Variants in FAM76A observed in about 807,000 individuals in gnomAD.
FAM76A encodes the protein family with sequence similarity 76 member A.
FAM76A carries 32 observed loss-of-function variants against 46.2 expected under a neutral mutation model. The observed-to-expected ratio is 0.69, with a 90% CI of 0.52 to 0.93. FAM76A has a LOEUF of 0.93. Among genes scored for constraint, FAM76A ranks in the 40% least tolerant of loss-of-function variants. The pLI is 0.00. For missense variants in FAM76A, 274 were observed against 361.5 expected, an observed-to-expected ratio of 0.76 and a Z score of 1.96; for synonymous variants, 137 against 127.0, an observed-to-expected ratio of 1.08 and a Z score of -0.53.
chr1:27,755,482 G>T, intron 7 of FAM76A, 152 bp downstream of exon 7: 2 of 1,023,486 alleles, frequency 2.0e-6, no homozygotes, highest in Non-Finnish European at 2.9e-6. Context: ...CTGCCAAGAT[G>T]ACTTTTGGGA....
At chr1:27,743,770 A>G (rs1003443253) in intron 4 of FAM76A, among the ~76,000 whole-genome samples, 5 of 151,858 alleles carry the variant, frequency 3.3e-5, no homozygotes, top group Non-Finnish European at 1.5e-5. Flanking sequence ...GTTTGGGGAA[A>G]AAAAAAAAAA....
intron 8 of FAM76A, 164 bp from the exon 9 acceptor site, chr1:27,760,331 A>T: frequency 1.9e-6 from 1 of 529,046 alleles, no homozygotes; most frequent in Non-Finnish European, 3.4e-6. Context: ...CTCCTGAACC[A>T]AGTTTCAAGC....
intron 6 of FAM76A, among the ~76,000 whole-genome samples, chr1:27,754,190 T>G (rs1205465880): frequency 7.2e-6 from 1 of 138,956 alleles, no homozygotes; most frequent in Non-Finnish European, 1.5e-5. Context: ...CACTGCAACC[T>G]CCGCCTCCCA....
intron 6 of FAM76A, among the ~76,000 whole-genome samples, chr1:27,751,437 A>AT (rs930965282): frequency 7.8e-5 from 11 of 140,524 alleles, no homozygotes; most frequent in African/African-American, 2.4e-4. Context: ...GCATTCTGAC[A>AT]TTTTTTTTGA....
At chr1:27,748,129 T>G (rs992283919) in intron 5 of FAM76A, among the ~76,000 whole-genome samples, 3 of 141,118 alleles carry the variant, frequency 2.1e-5, no homozygotes, top group Admixed American at 2.1e-4. Flanking sequence ...AGTTTTTTTT[T>G]TTTTTTTTTT....
Position 27,760,559 on chromosome 1 carries a change from C to A in FAM76A, c.902C>A (p.Ser301Ter). 6.2e-7 allele frequency: 1 copy of A among 1,611,970 alleles called. No individual in the cohort carries two copies. The highest frequency in any genetic ancestry group is 1.1e-5 in the South Asian group (1 of 90,828). The change falls in exon 9 of 9, where the codon TCA (serine) becomes TAA (stop). Residue 301 changes from serine (S) to a stop codon, truncating the protein, a stop_gained. Transcript: ENST00000373954. LOFTEE classifies it high-confidence loss of function. ...ALSKSKKSEK[S>*]GAITSP ...TCCAAGAGCAAGAAGTCAGAGAAGT[C>A]AGGAGCTATAACCTCTCCATGACAG...
intron 4 of FAM76A, chr1:27,740,147 C>T: frequency 2.0e-6 from 1 of 501,324 alleles, no homozygotes; most frequent in Non-Finnish European, 3.8e-6. Flanking sequence ...TTTTCTTTGA[C>T]ATACATGTGA....
chr1:27,744,627 C>G, intron 4 of FAM76A, 27 bp from the exon 5 acceptor site: 1 of 1,611,908 alleles, frequency 6.2e-7, no homozygotes, highest in Non-Finnish European at 8.5e-7. Flanking sequence ...ATTCCCTCTT[C>G]TTTATCTTTG....
intron 2 of FAM76A, among the ~76,000 whole-genome samples, chr1:27,728,149 A>G (rs1432430298): frequency 6.6e-6 from 1 of 151,790 alleles, no homozygotes; most frequent in African/African-American, 2.4e-5. Flanking sequence ...TGATCATTTT[A>G]TATTGTGATT....
Position 27,744,641 on chromosome 1 carries a change from C to T in FAM76A, c.355-13C>T, listed in dbSNP as rs748511825. 6.2e-7 allele frequency: 1 copy of T among 1,613,450 alleles called. No individual in the cohort carries two copies. The highest frequency in any genetic ancestry group is 8.5e-7 in the Non-Finnish European group (1 of 1,179,558). On this transcript the variant is annotated splice_polypyrimidine_tract_variant and intron_variant, in intron 4 of 8. Coordinates refer to ENST00000373954, the MANE Select transcript of FAM76A (RefSeq NM_152660.3). ...AATTCCCTCTTCTTTATCTTTGTCT[C>T]CTTGTCTTTCAGGTAGATGGGAAAT...
intron 4 of FAM76A, among the ~76,000 whole-genome samples, chr1:27,737,359 A>G (rs944457986): frequency 7.9e-5 from 12 of 152,148 alleles, no homozygotes; most frequent in Non-Finnish European, 1.8e-4. Flanking sequence ...GTAGAGTTGT[A>G]TTGTTTTAAA....
intron 4 of FAM76A, among the ~76,000 whole-genome samples, chr1:27,741,119 C>T (rs1419114787): frequency 6.8e-6 from 1 of 146,286 alleles, no homozygotes; most frequent in Non-Finnish European, 1.5e-5. Context: ...GCAACAAGAG[C>T]GAAACTCCGT....
intron 4 of FAM76A, among the ~76,000 whole-genome samples, chr1:27,743,634 G>A (rs2088192117): frequency 6.6e-6 from 1 of 152,120 alleles, no homozygotes; most frequent in Non-Finnish European, 1.5e-5. Flanking sequence ...ACATGGTGGT[G>A]CACACCTGTA....
chr1:27,734,292 A>C (rs1005528748), intron 4 of FAM76A, 109 bp downstream of exon 4: 13 of 1,157,794 alleles, frequency 1.1e-5, no homozygotes, highest in Non-Finnish European at 1.5e-5. Context: ...TCATGCCTGT[A>C]ATCCCAGCAC....
intron 6 of FAM76A, among the ~76,000 whole-genome samples, chr1:27,754,945 ATG>A (rs914089446): frequency 5.3e-5 from 8 of 152,202 alleles, no homozygotes; most frequent in African/African-American, 1.9e-4. Flanking sequence ...TCCGTCCTAA[ATG>A]TGAGAGAAGA....
chr1:27,730,549 A>G (rs1187437123), intron 2 of FAM76A, among the ~76,000 whole-genome samples: 1 of 152,004 alleles, frequency 6.6e-6, no homozygotes, highest in Non-Finnish European at 1.5e-5. Context: ...ATTGACATCT[A>G]CCCCATTCCT....
Position 27,757,839 on chromosome 1 carries a change from T to C in FAM76A, c.736-1687T>C, listed in dbSNP as rs1173878881. ...AAAATACAAAAAAATTAGCTGGGCG[T>C]GGTGGTGGGCGCCTGTAGTCCCAGC... On this transcript the variant is annotated intron_variant, in intron 7 of 8. Coordinates refer to ENST00000373954, the MANE Select transcript of FAM76A (RefSeq NM_152660.3). Among the ~76,000 whole-genome samples, 12 of 151,892 alleles carry C rather than the reference T, an allele frequency of 7.9e-5. 1 individual carries two copies.
chr1:27,735,897 A>G (rs913407666), intron 4 of FAM76A, among the ~76,000 whole-genome samples: 4 of 152,222 alleles, frequency 2.6e-5, no homozygotes, highest in African/African-American at 9.6e-5. Flanking sequence ...GTTCATTTTT[A>G]CTAATCTGGT....
At chr1:27,750,408 T>C (rs953111394) in intron 6 of FAM76A, among the ~76,000 whole-genome samples, 2 of 152,232 alleles carry the variant, frequency 1.3e-5, no homozygotes, top group African/African-American at 4.8e-5. Context: ...CCAGCTTTAC[T>C]GTTCTCTCAT....
Sources: allele counts gnomAD v4.1 joint callset (sites outside exome capture counted in the v4.1 genomes callset), GRCh38; gene constraint gnomAD v4.1.1; transcripts MANE v1.5; gene names NCBI Gene and HGNC (gene_info 2026-07-23, HGNC 2026-07-21).